The following NHS variants were observed in gnomAD, a reference collection of about 807,000 sequenced individuals.
The protein encoded by NHS is actin remodeling regulator NHS.
Under a neutral mutation model 72.5 loss-of-function variants are expected in NHS, and 5 were observed. The ratio of observed to expected loss-of-function variants is 0.07; its 90% CI spans 0.04 to 0.14. The LOEUF (loss-of-function observed/expected upper bound fraction) is 0.14. Among genes scored for constraint, NHS ranks in the 10% least tolerant of loss-of-function variants. The pLI is 1.00. For synonymous variants in NHS, 464 were observed against 547.7 expected (o/e 0.85, Z 2.13); for missense variants, 1,072 against 1,355.7 (o/e 0.79, Z 3.29).
intron 1 of NHS, among the ~76,000 whole-genome samples, chrX:17,537,718 G>C (rs1008238281): frequency 2.7e-5 from 3 of 111,998 alleles, no homozygotes; most frequent in African/African-American, 6.5e-5. Context: ...AAAGCCAAAG[G>C]GTTTAAAAGA....
At chrX:17,411,591 T>G (rs2064558823) in intron 1 of NHS, among the ~76,000 whole-genome samples, 2 of 112,002 alleles carry the variant, frequency 1.8e-5, no homozygotes, top group Admixed American at 1.9e-4. Context: ...GCAAAAGGCC[T>G]TACATTTAGA....
intron 1 of NHS, among the ~76,000 whole-genome samples, chrX:17,613,346 G>A (rs1456904613): frequency 1.8e-5 from 2 of 111,705 alleles, no homozygotes; most frequent in Non-Finnish European, 3.8e-5. Flanking sequence ...GGTCTTAAAG[G>A]TAGTGTCCCA....
chrX:17,661,097 G>C (rs954758961), intron 1 of NHS, among the ~76,000 whole-genome samples: 1 of 111,549 alleles, frequency 9.0e-6, no homozygotes, highest in Admixed American at 9.5e-5. Flanking sequence ...AAGAGAAGGG[G>C]AACAGAAGTG....
intron 1 of NHS, among the ~76,000 whole-genome samples, chrX:17,611,675 A>C (rs2065711874): frequency 9.0e-6 from 1 of 111,541 alleles, no homozygotes; most frequent in Non-Finnish European, 1.9e-5. Flanking sequence ...TCAAACTTTC[A>C]GTATTTTCAG....
At chrX:17,465,045 G>A (rs984365892) in intron 1 of NHS, among the ~76,000 whole-genome samples, 1 of 111,977 alleles carries the variant, frequency 8.9e-6, no homozygotes, top group South Asian at 3.7e-4. Context: ...AACGGAAGGT[G>A]GGAACTTGCA....
At chrX:17,416,905 T>C (rs1436903067) in intron 1 of NHS, among the ~76,000 whole-genome samples, 1 of 110,475 alleles carries the variant, frequency 9.1e-6, no homozygotes, top group African/African-American at 3.3e-5. Context: ...TAAATTGTTA[T>C]CTAGTTACAA....
intron 1 of NHS, among the ~76,000 whole-genome samples, chrX:17,605,139 G>A (rs2065672877): frequency 8.9e-6 from 1 of 112,238 alleles, no homozygotes; most frequent in Non-Finnish European, 1.9e-5. Context: ...TCAGTTGTAA[G>A]CTATGCCTCA....
At chrX:17,589,216 G>C (rs943632206) in intron 1 of NHS, among the ~76,000 whole-genome samples, 3 of 111,478 alleles carry the variant, frequency 2.7e-5, no homozygotes, top group Non-Finnish European at 5.7e-5. Context: ...GGTTACACAA[G>C]TAAGTTCTTT....
At chrX:17,625,857 T>C (rs1387256612) in intron 1 of NHS, among the ~76,000 whole-genome samples, 1 of 112,164 alleles carries the variant, frequency 8.9e-6, no homozygotes, top group Non-Finnish European at 1.9e-5. Flanking sequence ...TTTTTTATAC[T>C]AAGTCTTCAA....
chrX:17,511,905 C>G (rs1249445968), intron 1 of NHS, among the ~76,000 whole-genome samples: 2 of 111,141 alleles, frequency 1.8e-5, no homozygotes, highest in African/African-American at 6.6e-5. Flanking sequence ...AGGAGCAGCC[C>G]TCAACCAGGA....
At chrX:17,692,778 G>A (rs1337568533) in intron 3 of NHS, among the ~76,000 whole-genome samples, 1 of 110,448 alleles carries the variant, frequency 9.1e-6, no homozygotes, top group Non-Finnish European at 1.9e-5. Context: ...GAAGGATTCA[G>A]GATAGGTTAC....
chrX:17,721,153 A>G (rs936281729), intron 4 of NHS, among the ~76,000 whole-genome samples: 1 of 111,946 alleles, frequency 8.9e-6, no homozygotes, highest in South Asian at 3.7e-4. Context: ...TAAAGACTCA[A>G]TTTTCTTTGG....
intron 1 of NHS, among the ~76,000 whole-genome samples, chrX:17,539,781 A>G (rs2065253644): frequency 9.0e-6 from 1 of 111,719 alleles, no homozygotes; most frequent in Non-Finnish European, 1.9e-5. Context: ...GGCACATGGA[A>G]TCTTACACTC....
chrX:17,376,543 G>A (rs770210182), intron 1 of NHS, among the ~76,000 whole-genome samples: 3 of 112,599 alleles, frequency 2.7e-5, no homozygotes, highest in African/African-American at 9.7e-5. Context: ...AGACGTGGAC[G>A]GTGGAAAGTT....
At chrX:17,396,658 T>G (rs1259567226) in intron 1 of NHS, among the ~76,000 whole-genome samples, 1 of 111,994 alleles carries the variant, frequency 8.9e-6, no homozygotes, top group Non-Finnish European at 1.9e-5. Context: ...TGCCCACAGC[T>G]TTTTAGGAAG....
chrX:17,559,490 G>A (rs1291723774), intron 1 of NHS, among the ~76,000 whole-genome samples: 1 of 111,942 alleles, frequency 8.9e-6, no homozygotes, highest in Non-Finnish European at 1.9e-5. Context: ...AAAAAAAGTA[G>A]AGCAAAAATC....
At chrX:17,384,927 C>T (rs1336853799) in intron 1 of NHS, among the ~76,000 whole-genome samples, 3 of 112,081 alleles carry the variant, frequency 2.7e-5, no homozygotes, top group African/African-American at 6.5e-5. Context: ...CTGGAACAAA[C>T]AATCACAAAA....
At chrX:17,697,527 G>GGAACTTA (rs1418465037) in intron 3 of NHS, among the ~76,000 whole-genome samples, 2 of 111,927 alleles carry the variant, frequency 1.8e-5, no homozygotes, top group Non-Finnish European at 3.8e-5. Context: ...TCAACATACA[G>GGAACTTA]GAACTTAGAG....
intron 1 of NHS, among the ~76,000 whole-genome samples, chrX:17,644,990 T>C (rs2065899769): frequency 9.0e-6 from 1 of 111,116 alleles, no homozygotes; most frequent in Non-Finnish European, 1.9e-5. Flanking sequence ...TGCTATAGTA[T>C]TGTCTAGTGG....
Sources: gnomAD v4.1 joint callset for allele counts (sites outside exome capture counted in the v4.1 genomes callset) on GRCh38, gnomAD v4.1.1 for gene constraint, MANE v1.5 for transcripts, NCBI Gene and HGNC (gene_info 2026-07-23, HGNC 2026-07-21) for gene names.